The following GPC5 variants were observed in gnomAD, a reference collection of about 807,000 sequenced individuals.
GPC5 encodes the protein glypican-5.
Under a neutral mutation model 53.9 loss-of-function variants are expected in GPC5, and 47 were observed. The ratio of observed to expected loss-of-function variants is 0.87; its 90% CI spans 0.69 to 1.11. The LOEUF (loss-of-function observed/expected upper bound fraction) is 1.11. Ranked by LOEUF, GPC5 falls within the 50% of genes most tolerant of loss-of-function variation. The pLI, the probability that GPC5 is intolerant of heterozygous loss-of-function variation, is 0.00. For missense variants in GPC5, 748 were observed against 713.1 expected, an observed-to-expected ratio of 1.05 and a Z score of -0.56; for synonymous variants, 286 against 263.3, an observed-to-expected ratio of 1.09 and a Z score of -0.84.
chr13:92,446,660 C>G (rs1253831902), intron 7 of GPC5: 1 of 152,126 alleles, frequency 6.6e-6, no homozygotes, highest in Admixed American at 6.6e-5. Context: ...AGTGGAATTG[C>G]TGGTTCATAC....
At chr13:92,205,831 G>A (rs1001599517) in intron 7 of GPC5, among the ~76,000 whole-genome samples, 3 of 152,082 alleles carry the variant, frequency 2.0e-5, no homozygotes, top group African/African-American at 4.8e-5. Context: ...TGGATCACCT[G>A]AGATCAGGAG....
intron 7 of GPC5, among the ~76,000 whole-genome samples, chr13:92,345,310 C>A (rs895197896): frequency 6.6e-6 from 1 of 151,970 alleles, no homozygotes; most frequent in Non-Finnish European, 1.5e-5. Flanking sequence ...ATATAAAAGA[C>A]AGATTGAATG....
chr13:91,604,587 TA>T (rs2033295912), intron 2 of GPC5, among the ~76,000 whole-genome samples: 1 of 141,138 alleles, frequency 7.1e-6, no homozygotes, highest in Non-Finnish European at 1.5e-5. Context: ...AAAGTGTTCC[TA>T]TTTCTCCACA....
intron 7 of GPC5, among the ~76,000 whole-genome samples, chr13:92,715,043 C>T (rs756129043): frequency 2.2e-4 from 33 of 152,170 alleles, no homozygotes; most frequent in Admixed American, 5.2e-4. Flanking sequence ...CCAGCCTGGA[C>T]GACAGAGCAA....
At chr13:91,999,577 A>G (rs2040536217) in intron 6 of GPC5, among the ~76,000 whole-genome samples, 1 of 152,172 alleles carries the variant, frequency 6.6e-6, no homozygotes, top group African/African-American at 2.4e-5. Flanking sequence ...TACAGACTCA[A>G]ACCTTCACCA....
At chr13:91,925,516 C>T (rs2352193) in intron 6 of GPC5, among the ~76,000 whole-genome samples, 100,344 of 151,992 alleles carry the variant, frequency 0.66, 33,419 homozygotes, top group East Asian at 0.73. Context: ...AGTACAAAAA[C>T]GATTAAATGA....
chr13:92,659,635 G>A (rs1015552084), intron 7 of GPC5, among the ~76,000 whole-genome samples: 5 of 152,044 alleles, frequency 3.3e-5, no homozygotes, highest in African/African-American at 1.2e-4. Context: ...AGACATTGGA[G>A]GGTCAATGGT....
intron 7 of GPC5, among the ~76,000 whole-genome samples, chr13:92,551,831 G>C (rs1319827983): frequency 6.6e-6 from 1 of 151,812 alleles, no homozygotes; most frequent in Non-Finnish European, 1.5e-5. Flanking sequence ...TCAAAATTTA[G>C]ACCAGTTGGT....
intron 2 of GPC5, among the ~76,000 whole-genome samples, chr13:91,461,864 A>T (rs1881947381): frequency 6.6e-6 from 1 of 152,078 alleles, no homozygotes; most frequent in Non-Finnish European, 1.5e-5. Context: ...ACTGTGCCTG[A>T]TGGGGCTGCC....
At chr13:92,197,736 G>A (rs145854251) in intron 7 of GPC5, among the ~76,000 whole-genome samples, 2 of 149,736 alleles carry the variant, frequency 1.3e-5, no homozygotes, top group African/African-American at 2.5e-5. Context: ...GACTGGTCTC[G>A]AACTCCTGGG....
chr13:92,349,637 C>A (rs1358075252), intron 7 of GPC5, among the ~76,000 whole-genome samples: 3 of 151,376 alleles, frequency 2.0e-5, no homozygotes, highest in Non-Finnish European at 4.4e-5. Context: ...ATTGGATAAC[C>A]CAGAAGAAAT....
At chr13:92,797,744 C>G (rs1372431894) in intron 7 of GPC5, among the ~76,000 whole-genome samples, 1 of 151,202 alleles carries the variant, frequency 6.6e-6, no homozygotes, top group Non-Finnish European at 1.5e-5. Flanking sequence ...TACTAAGTAC[C>G]AGGCATCAAA....
chr13:92,090,268 G>T (rs2041369467), intron 6 of GPC5, among the ~76,000 whole-genome samples: 1 of 152,036 alleles, frequency 6.6e-6, no homozygotes, highest in Non-Finnish European at 1.5e-5. Flanking sequence ...GATATTAGGG[G>T]TCTCATAGTG....
At chr13:91,490,945 A>G (rs1362643935) in intron 2 of GPC5, among the ~76,000 whole-genome samples, 2 of 151,948 alleles carry the variant, frequency 1.3e-5, no homozygotes, top group African/African-American at 4.8e-5. Flanking sequence ...ACATTTGTCT[A>G]CTAGTTTCCC....
At chr13:92,306,483 G>A (rs974065284) in intron 7 of GPC5, among the ~76,000 whole-genome samples, 1 of 152,142 alleles carries the variant, frequency 6.6e-6, no homozygotes, top group South Asian at 2.1e-4. Flanking sequence ...TCAAGAGAAG[G>A]CTTCCCATTG....
intron 6 of GPC5, among the ~76,000 whole-genome samples, chr13:91,963,617 G>T (rs1041259934): frequency 5.9e-5 from 9 of 152,086 alleles, no homozygotes; most frequent in African/African-American, 1.9e-4. Flanking sequence ...AGTGCAACAG[G>T]CATGAAGCTT....
At chr13:91,564,430 G>C (rs1003140544) in intron 2 of GPC5, among the ~76,000 whole-genome samples, 6 of 152,044 alleles carry the variant, frequency 3.9e-5, no homozygotes, top group African/African-American at 1.4e-4. Flanking sequence ...ATAAAAGTTT[G>C]GTACTGTATT....
At chr13:92,159,345 T>A (rs2041969022) in intron 7 of GPC5, among the ~76,000 whole-genome samples, 1 of 152,118 alleles carries the variant, frequency 6.6e-6, no homozygotes, top group Admixed American at 6.6e-5. Flanking sequence ...CATGTTTAGC[T>A]CTTATATTAG....
intron 6 of GPC5, among the ~76,000 whole-genome samples, chr13:92,102,770 A>T (rs999250447): frequency 6.6e-6 from 1 of 152,208 alleles, no homozygotes; most frequent in Non-Finnish European, 1.5e-5. Context: ...CATGAACTTC[A>T]CATGGTCTGT....
Sources: gnomAD v4.1 joint callset for allele counts (sites outside exome capture counted in the v4.1 genomes callset) on GRCh38, gnomAD v4.1.1 for gene constraint, MANE v1.5 for transcripts, NCBI Gene and HGNC (gene_info 2026-07-23, HGNC 2026-07-21) for gene names.